Variants in PLCH1 observed in about 807,000 individuals in gnomAD.
The protein encoded by PLCH1 is phospholipase C eta 1.
In PLCH1, 60 loss-of-function variants were observed where a neutral mutation model predicts 126.7. That is an observed-to-expected ratio of 0.47 (90% CI 0.38 to 0.59). The LOEUF is 0.59. Among genes scored for constraint, PLCH1 ranks in the 20% least tolerant of loss-of-function variants. The probability of loss-of-function intolerance (pLI) is 0.00; values close to 1 mark genes in which losing one functional copy is unlikely to be tolerated. For synonymous variants in PLCH1, 719 were observed against 734.9 expected (o/e 0.98, Z 0.35); for missense variants, 1,723 against 2,040.0 (o/e 0.84, Z 2.99).
intron 10 of PLCH1, among the ~76,000 whole-genome samples, chr3:155,538,031 A>G (rs1403149319): frequency 6.6e-6 from 1 of 152,154 alleles, no homozygotes; most frequent in Non-Finnish European, 1.5e-5. Flanking sequence ...TAAGAAAATC[A>G]TAATTATAGC....
Position 155,568,255 on chromosome 3 carries a change from C to G in PLCH1, c.841G>C (p.Val281Leu), listed in dbSNP as rs755376589. The G allele has an allele frequency of 2.7e-6, 4 of 1,472,766 alleles. No homozygotes were observed. The South Asian group carries it at 3.4e-5, about 13-fold the overall frequency. 91.2% of individuals were successfully genotyped at this position (1,472,766 alleles called of 1,614,324 possible). The change falls in exon 7 of 23, where the codon GTG (valine) becomes CTG (leucine). Residue 281 changes from valine to leucine, a missense_variant. By Grantham distance (32) the Val-to-Leu change is conservative. This residue lies in a region of PLCH1 where 776 missense variants were observed against 1,062.9 expected (regional missense o/e 0.73). Transcript: ENST00000460012. Reference protein sequence around the residue: ...KKFEVSEENKVKNVLGIEGFT... With the variant: ...KKFEVSEENKLKNVLGIEGFT... ...CCTTCTATGCCAAGAACATTTTTCA[C>G]CTTATTTTCTTCTGAAACTTCAAAC...
At chr3:155,526,485 CTCAT>C (rs1172221653) in intron 10 of PLCH1, among the ~76,000 whole-genome samples, 1 of 83,280 alleles carries the variant, frequency 1.2e-5, no homozygotes, top group Non-Finnish European at 2.8e-5. Context: ...TTCTCTCTCT[CTCAT>C]ACACACACAC....
intron 1 of PLCH1, among the ~76,000 whole-genome samples, chr3:155,734,551 G>T (rs948711329): frequency 7.9e-5 from 12 of 152,064 alleles, no homozygotes; most frequent in Non-Finnish European, 1.3e-4. Context: ...CAAAGAAAAT[G>T]AAATCAGTAT....
chr3:155,661,010 A>T (rs998401591), intron 2 of PLCH1, among the ~76,000 whole-genome samples: 1 of 152,158 alleles, frequency 6.6e-6, no homozygotes, highest in Non-Finnish European at 1.5e-5. Flanking sequence ...TAGAATAGGG[A>T]AGTATTGTCC....
At chr3:155,664,833 G>C (rs2108956667) in intron 2 of PLCH1, among the ~76,000 whole-genome samples, 1 of 152,188 alleles carries the variant, frequency 6.6e-6, no homozygotes, top group South Asian at 2.1e-4. Flanking sequence ...TTATAAATAA[G>C]AAAACTAAGG....
chr3:155,557,991 A>G (rs1727061355), intron 8 of PLCH1, among the ~76,000 whole-genome samples: 1 of 152,206 alleles, frequency 6.6e-6, no homozygotes, highest in African/African-American at 2.4e-5. Flanking sequence ...CAAGCGAATA[A>G]AAGGCCATGT....
In PLCH1 at chr3:155,500,685, A is replaced by T; in HGVS notation, c.1796+18T>A. 6.6e-7 allele frequency: 1 copy of T among 1,518,860 alleles called. No individual in the cohort carries two copies. Among genetic ancestry groups the T allele is most frequent in the Non-Finnish European group, 9.1e-7 (1 of 1,094,358 alleles). The allele number at this position is 1,518,860 out of a possible 1,614,324, so 94.1% of individuals were successfully genotyped here. On this transcript the variant is annotated intron_variant, in intron 14 of 22. Coordinates refer to ENST00000460012, the MANE Select transcript of PLCH1 (RefSeq NM_014996.4). The stretch of plus-strand genomic sequence containing the variant: ...GGCCTCAGGAGTGTGAGTAGGAAAC[A>T]TGGAGATGCTTTCTTACCTGTACAG...
intron 6 of PLCH1, 138 bp from the exon 7 acceptor site, chr3:155,568,462 T>G: frequency 2.2e-6 from 1 of 449,384 alleles, no homozygotes; most frequent in Non-Finnish European, 4.0e-6. Flanking sequence ...GTTATTAGTG[T>G]CACAGCTATT....
At chr3:155,470,242 G>A (rs867298442) in intron 21 of PLCH1, among the ~76,000 whole-genome samples, 5 of 152,184 alleles carry the variant, frequency 3.3e-5, no homozygotes, top group Middle Eastern at 3.4e-3. Flanking sequence ...GGAGCTGATG[G>A]AGCTGAAAAC....
At chr3:155,467,334 A>G (rs7643735) in intron 21 of PLCH1, among the ~76,000 whole-genome samples, 63,288 of 151,742 alleles carry the variant, frequency 0.42, 17,553 homozygotes, top group African/African-American at 0.79. Flanking sequence ...AGCACTTTGG[A>G]CGGCTAAGGT....
At position 155,488,028 on chromosome 3, in the gene PLCH1, C is replaced by A. The variant is rs753252331; in HGVS notation, c.2619G>T (p.Lys873Asn). Residue 873 changes from lysine to asparagine, a missense_variant and splice_region_variant, in exon 21 of 23, where the codon AAG becomes AAT. By Grantham distance (94) the Lys-to-Asn change is moderately conservative (BLOSUM62 0). Coordinates refer to ENST00000460012, the MANE Select transcript of PLCH1 (RefSeq NM_014996.4). The part of the protein sequence containing the change: ...VHITINEIYG[K>N]NRQLQGLKGL... ...CTTTAAATCCTATGATCTTTCTCAC[C>A]TTTCCATAGATTTCATTGATGGTTA... is the stretch of plus-strand genomic sequence containing the variant. 1 of 1,554,820 alleles carries A rather than the reference C, an allele frequency of 6.4e-7. No homozygotes were observed. The highest frequency in any genetic ancestry group is 8.9e-7 in the Non-Finnish European group (1 of 1,125,896).
At chr3:155,637,683 G>C (rs1425880512) in intron 2 of PLCH1, among the ~76,000 whole-genome samples, 1 of 152,154 alleles carries the variant, frequency 6.6e-6, no homozygotes, top group Admixed American at 6.5e-5. Flanking sequence ...CAAACTTGTA[G>C]TTAATATTGA....
intron 6 of PLCH1, among the ~76,000 whole-genome samples, chr3:155,582,977 TAC>T (rs1187299400): frequency 6.6e-6 from 1 of 151,886 alleles, no homozygotes; most frequent in Non-Finnish European, 1.5e-5. Context: ...AATGGCAATT[TAC>T]TATCAGAATT....
intron 12 of PLCH1, among the ~76,000 whole-genome samples, chr3:155,509,091 A>G (rs1719094409): frequency 7.1e-6 from 1 of 139,952 alleles, no homozygotes; most frequent in African/African-American, 3.0e-5. Context: ...GGGAGAGTGT[A>G]TGTGTCGAGG....
At chr3:155,610,633 G>T (rs188473497) in intron 2 of PLCH1, among the ~76,000 whole-genome samples, 3 of 151,612 alleles carry the variant, frequency 2.0e-5, no homozygotes, top group African/African-American at 7.3e-5. Flanking sequence ...TAAATGAAGG[G>T]GAAATAAAGT....
chr3:155,549,869 T>C lies in PLCH1; in HGVS notation c.1280A>G (p.Lys427Arg), dbSNP rs191954461. The part of the protein sequence containing the change: ...AQYLKGIFGD[K>R]LDLSSVDTGE... ...TGTATCAACAGATGACAGGTCCAGT[T>C]TGTCTCCGAATATTCCTTTCAGGTA... is the stretch of plus-strand genomic sequence containing the variant. The change falls in exon 10 of 23, where the codon AAA becomes AGA. Residue 427 changes from lysine to arginine, a missense_variant. Physicochemically the swap from Lys to Arg is conservative, Grantham distance 26. Coordinates refer to ENST00000460012, the MANE Select transcript of PLCH1 (RefSeq NM_014996.4). The C allele has an allele frequency of 2.3e-5, 37 of 1,614,008 alleles. No individual in the cohort carries two copies. In the East Asian group the frequency reaches 8.0e-4, roughly 35 times the overall value.
At chr3:155,694,876 T>C (rs1745676975) in intron 2 of PLCH1, among the ~76,000 whole-genome samples, 2 of 151,894 alleles carry the variant, frequency 1.3e-5, no homozygotes, top group African/African-American at 4.8e-5. Context: ...AAAGAAGTCC[T>C]ATGCTGTTTG....
At chr3:155,514,471 G>A (rs1720034303) in intron 12 of PLCH1, among the ~76,000 whole-genome samples, 2 of 152,346 alleles carry the variant, frequency 1.3e-5, no homozygotes, top group Admixed American at 1.3e-4. Flanking sequence ...CATGCATTAG[G>A]AAGATGAGTC....
intron 2 of PLCH1, among the ~76,000 whole-genome samples, chr3:155,669,173 C>G (rs1239981131): frequency 1.3e-5 from 2 of 150,338 alleles, no homozygotes; most frequent in African/African-American, 4.9e-5. Context: ...AAAAGGCATA[C>G]ATTTGTGGTC....
Sources: gnomAD v4.1 joint callset for allele counts (sites outside exome capture counted in the v4.1 genomes callset) on GRCh38, gnomAD v4.1.1 for gene constraint, gnomAD v4.1.1 regional missense constraint, MANE v1.5 for transcripts, NCBI Gene and HGNC (gene_info 2026-07-23, HGNC 2026-07-21) for gene names.